GULP1: variants seen among roughly 807,000 people sequenced by gnomAD.
GULP1 encodes GULP PTB domain containing engulfment adaptor 1.
In GULP1, 19 loss-of-function variants were observed where a neutral mutation model predicts 40.9. That is an observed-to-expected ratio of 0.46 (90% CI 0.32 to 0.68). GULP1 has a LOEUF of 0.68. Ranked by LOEUF, GULP1 falls within the 30% of genes least tolerant of loss-of-function variation. The probability of loss-of-function intolerance (pLI) is 0.03; values close to 1 mark genes in which losing one functional copy is unlikely to be tolerated. For synonymous variants in GULP1, 119 were observed against 117.6 expected (o/e 1.01, Z -0.08); for missense variants, 312 against 362.2 (o/e 0.86, Z 1.12).
At chr2:188,332,068 A>G (rs2041666307) in intron 1 of GULP1, among the ~76,000 whole-genome samples, 1 of 152,174 alleles carries the variant, frequency 6.6e-6, no homozygotes, top group Non-Finnish European at 1.5e-5. Context: ...AGGGTACATT[A>G]GAGTAAGGGT....
chr2:188,413,838 T>C (rs1198456463), intron 2 of GULP1, among the ~76,000 whole-genome samples: 1 of 152,206 alleles, frequency 6.6e-6, no homozygotes, highest in African/African-American at 2.4e-5. Flanking sequence ...GTGGGTTATT[T>C]TGTGTTTGTT....
At position 188,414,363 on chromosome 2, in the gene GULP1, A is replaced by T. The variant is rs550732427; in HGVS notation, c.-45+30474A>T. Reference sequence around the variant, plus strand: ...ATATTCTTTGCGAAGAAGCTACATGAATACTTTTAAAAATAGGAATATTAA... The same window carrying T: ...ATATTCTTTGCGAAGAAGCTACATGTATACTTTTAAAAATAGGAATATTAA... On this transcript the variant is annotated intron_variant, in intron 2 of 11. Coordinates refer to ENST00000409830, the MANE Select transcript of GULP1 (RefSeq NM_016315.4). 2.6e-5 allele frequency among the ~76,000 whole-genome samples: 4 copies of T among 152,284 alleles called. No homozygotes were observed. The East Asian group carries it at 7.7e-4, about 29-fold the overall frequency.
chr2:188,321,208 G>A (rs2039932822), intron 1 of GULP1, among the ~76,000 whole-genome samples: 2 of 152,068 alleles, frequency 1.3e-5, no homozygotes, highest in African/African-American at 2.4e-5. Flanking sequence ...CGAAATTCAA[G>A]CATTGTATTG....
At chr2:188,400,562 T>C (rs2052085153) in intron 2 of GULP1, among the ~76,000 whole-genome samples, 1 of 152,124 alleles carries the variant, frequency 6.6e-6, no homozygotes, top group Non-Finnish European at 1.5e-5. Flanking sequence ...CTAAATGTAG[T>C]GGAGTGCCAC....
At chr2:188,383,528 A>G (rs1250726834) in intron 1 of GULP1, among the ~76,000 whole-genome samples, 1 of 152,188 alleles carries the variant, frequency 6.6e-6, no homozygotes, top group East Asian at 1.9e-4. Context: ...CTGTGAGTTA[A>G]AACATTTAAC....
intron 1 of GULP1, among the ~76,000 whole-genome samples, chr2:188,360,707 G>A (rs903821688): frequency 2.0e-5 from 3 of 152,072 alleles, no homozygotes; most frequent in Non-Finnish European, 4.4e-5. Flanking sequence ...AGATTAAATG[G>A]AAACCATTTG....
At position 188,399,714 on chromosome 2, in the gene GULP1, A is replaced by AAAAAAAAAAC. The variant is rs1553540229; in HGVS notation, c.-45+15825_-45+15826insAAAAAAAAAC. ...AGAAAAAAAAAAAAAAAAAAAAAAA[A>AAAAAAAAAAC]CATCAAACTGTAATAACAATAAAAT... On this transcript the variant is annotated intron_variant, in intron 2 of 11. Transcript: ENST00000409830. Among the ~76,000 whole-genome samples, 14 of 131,126 alleles carry AAAAAAAAAAC rather than the reference A, an allele frequency of 1.1e-4. 1 individual carries two copies. The highest frequency in any genetic ancestry group is 2.4e-4 in the East Asian group (1 of 4,112). 86.0% of individuals were successfully genotyped at this position (131,126 alleles called of 152,430 possible).
chr2:188,494,133 AG>A (rs2062676123), intron 4 of GULP1, among the ~76,000 whole-genome samples: 1 of 152,004 alleles, frequency 6.6e-6, no homozygotes, highest in Admixed American at 6.6e-5. Flanking sequence ...AGGTCCCTAA[AG>A]GAAAGCCAAG....
In GULP1 at chr2:188,439,118, A is replaced by G. The variant is rs549344999; in HGVS notation, c.-44-38541A>G. Among the ~76,000 whole-genome samples, 5 of 152,210 alleles carry G rather than the reference A, an allele frequency of 3.3e-5. No individual in the cohort carries two copies. In the South Asian group the frequency reaches 1.0e-3, roughly 32 times the overall value. ...GAGCATATTTCTACCAACTATTGTT[A>G]TTCAATAAATGTTTAGAAGTCTTGG... is the stretch of plus-strand genomic sequence containing the variant. On this transcript the variant is annotated intron_variant, in intron 2 of 11. Coordinates refer to ENST00000409830, the MANE Select transcript of GULP1 (RefSeq NM_016315.4).
chr2:188,394,171 T>C (rs1320809592), intron 2 of GULP1, among the ~76,000 whole-genome samples: 3 of 152,160 alleles, frequency 2.0e-5, no homozygotes, highest in Admixed American at 2.0e-4. Context: ...TATTCTTAGG[T>C]TTGATCATTT....
chr2:188,335,968 C>G (rs552303448), intron 1 of GULP1, among the ~76,000 whole-genome samples: 2 of 152,200 alleles, frequency 1.3e-5, no homozygotes, highest in African/African-American at 4.8e-5. Flanking sequence ...AGAATATAAA[C>G]TCAGATATGG....
chr2:188,368,943 A>ATG (rs2047209643), intron 1 of GULP1, among the ~76,000 whole-genome samples: 1 of 10,734 alleles, frequency 9.3e-5, no homozygotes, highest in Non-Finnish European at 1.9e-4. Flanking sequence ...ATGTGTGTAT[A>ATG]TATATATATA....
chr2:188,590,633 A>C (rs1318709440), intron 11 of GULP1: 1 of 152,228 alleles, frequency 6.6e-6, no homozygotes, highest in Admixed American at 6.6e-5. Flanking sequence ...CAGTATAAGC[A>C]GTTAGAAAAT....
At chr2:188,530,622 T>A (rs1687290694) in intron 6 of GULP1, among the ~76,000 whole-genome samples, 1 of 152,084 alleles carries the variant, frequency 6.6e-6, no homozygotes, top group African/African-American at 2.4e-5. Flanking sequence ...AAGGACCACG[T>A]GAAGGCAGCA....
intron 2 of GULP1, among the ~76,000 whole-genome samples, chr2:188,418,066 G>A (rs1384306297): frequency 6.6e-6 from 1 of 151,532 alleles, no homozygotes; most frequent in Non-Finnish European, 1.5e-5. Flanking sequence ...CTCCTGCCTT[G>A]CCCTCCTATA....
chr2:188,541,269 A>G lies in GULP1; in HGVS notation c.350A>G (p.Asp117Gly). The G allele has an allele frequency of 1.2e-6, 2 of 1,612,150 alleles. No individual in the cohort carries two copies. Among genetic ancestry groups the G allele is most frequent in the Non-Finnish European group, 1.7e-6 (2 of 1,178,274 alleles). Residue 117 changes from aspartate (D) to glycine (G), a missense_variant, in exon 7 of 12, where the codon GAT becomes GGT. Transcript: ENST00000409830. ...AGGATATTCACTTTCATATGCAAAG[A>G]TTCTGAGTCAAATAAACATTTGTGC... ...DKRIFTFICK[D>G]SESNKHLCYV...
At chr2:188,532,996 G>C (rs1687967624) in intron 6 of GULP1, among the ~76,000 whole-genome samples, 1 of 152,136 alleles carries the variant, frequency 6.6e-6, no homozygotes, top group African/African-American at 2.4e-5. Context: ...TATCATATCT[G>C]TTTGGTTTTT....
chr2:188,340,486 ACT>A (rs2042817833), intron 1 of GULP1, among the ~76,000 whole-genome samples: 1 of 151,972 alleles, frequency 6.6e-6, no homozygotes, highest in South Asian at 2.1e-4. Context: ...CAGGAGCAAA[ACT>A]CTGTGTGGGT....
chr2:188,409,309 G>T (rs141203756), intron 2 of GULP1, among the ~76,000 whole-genome samples: 1 of 152,200 alleles, frequency 6.6e-6, no homozygotes, highest in East Asian at 1.9e-4. Flanking sequence ...AAAGGATCAT[G>T]AAAGACTGCT....
Sources: allele counts gnomAD v4.1 joint callset (sites outside exome capture counted in the v4.1 genomes callset), GRCh38; gene constraint gnomAD v4.1.1; transcripts MANE v1.5; gene names NCBI Gene and HGNC (gene_info 2026-07-23, HGNC 2026-07-21).